The following SMARCA4 variants were observed in gnomAD, a reference collection of about 807,000 sequenced individuals.
SMARCA4 encodes SWI/SNF related BAF chromatin remodeling complex subunit ATPase 4.
SMARCA4 carries 31 observed loss-of-function variants against 193.9 expected under a neutral mutation model. The ratio of observed to expected loss-of-function variants is 0.16; its 90% CI spans 0.12 to 0.22. SMARCA4 has a LOEUF of 0.22. Among genes scored for constraint, SMARCA4 ranks in the 10% least tolerant of loss-of-function variants. The pLI, the probability that SMARCA4 is intolerant of heterozygous loss-of-function variation, is 1.00. For missense variants in SMARCA4, 1,148 were observed against 2,296.0 expected, an observed-to-expected ratio of 0.50 and a Z score of 10.22; for synonymous variants, 942 against 933.1, an observed-to-expected ratio of 1.01 and a Z score of -0.17.
intron 24 of SMARCA4, among the ~76,000 whole-genome samples, chr19:11,028,807 A>G (rs552839111): frequency 7.2e-5 from 11 of 152,278 alleles, no homozygotes; most frequent in Admixed American, 5.9e-4. Flanking sequence ...GGGAGTTACT[A>G]GAACTGGGCT....
At chr19:10,989,115 G>C (rs922956633) in intron 6 of SMARCA4, among the ~76,000 whole-genome samples, 1 of 152,208 alleles carries the variant, frequency 6.6e-6, no homozygotes, top group Non-Finnish European at 1.5e-5. Flanking sequence ...CTTGTTTGCT[G>C]TCCCCTGAGG....
At position 11,027,833 on chromosome 19, in the gene SMARCA4, C is replaced by T. The variant is rs1600335596; in HGVS notation, c.3265C>T (p.Leu1089Phe). 1 of 1,614,144 alleles carries T rather than the reference C, an allele frequency of 6.2e-7. No homozygotes were observed. Among genetic ancestry groups the T allele is most frequent in the Non-Finnish European group, 8.5e-7 (1 of 1,180,044 alleles). The change falls in exon 24 of 35, where the codon CTT becomes TTT. Residue 1089 changes from leucine to phenylalanine, a missense_variant. Transcript: ENST00000344626. ...TAAATTTGAGCTTCTTGATAGAATT[C>T]TTCCCAAACTCCGAGCAACCAACCA... ...SGKFELLDRI[L>F]PKLRATNHKV...
intron 30 of SMARCA4, among the ~76,000 whole-genome samples, chr19:11,051,884 T>C (rs1600568072): frequency 6.6e-6 from 1 of 151,196 alleles, no homozygotes; most frequent in African/African-American, 2.4e-5. Context: ...GATCACGAGG[T>C]CAGGAGTTCA....
chr19:11,059,250 TTTTAAATTCCCTGGGGC>T (rs1298242188), intron 32 of SMARCA4: 2 of 302,992 alleles, frequency 6.6e-6, no homozygotes, highest in Non-Finnish European at 1.3e-5. Context: ...TGGAATTTTA[TTTTAAATTCCCTGGGGC>T]ACATTCTCTT....
chr19:10,975,176 C>G (rs1045604772), intron 1 of SMARCA4, among the ~76,000 whole-genome samples: 2 of 151,244 alleles, frequency 1.3e-5, no homozygotes, highest in Non-Finnish European at 2.9e-5. Flanking sequence ...ACCATTACCC[C>G]TGGCTGACTT....
chr19:11,030,842 C>T lies in SMARCA4; in HGVS notation c.3495C>T (p.Leu1165=), dbSNP rs1555783247. 2.5e-6 allele frequency: 4 copies of T among 1,609,332 alleles called. No individual in the cohort carries two copies. Among genetic ancestry groups the T allele is most frequent in the Non-Finnish European group, 3.4e-6 (4 of 1,178,232 alleles). ...STRAGGLGLN[L]QSADTVIIFD... ...GGGCTGGGGGGCTCGGCCTGAACCT[C>T]CAGTCGGCAGACACTGTGATCATTT... The change falls in exon 25 of 35, where the codon CTC becomes CTT. Residue 1165 remains leucine, a synonymous_variant. Transcript: ENST00000344626. This position sits in a 1 kb window ranked among gnomAD's most constrained non-coding sequence, Gnocchi z 5.5.
Position 11,031,104 on chromosome 19 carries a change from C to G in SMARCA4, c.3546+211C>G. The stretch of plus-strand genomic sequence containing the variant: ...CCCAAAATACAAACAGCCTTTCCCT[C>G]TGATTGGGAAAGCAGTGTATAAGCC... On this transcript the variant is annotated intron_variant, in intron 25 of 34. Transcript: ENST00000344626. This position sits in a 1 kb window ranked among gnomAD's most constrained non-coding sequence, Gnocchi z 4.3. The G allele has an allele frequency of 1.6e-6, 1 of 612,506 alleles. No homozygotes were observed. Among genetic ancestry groups the G allele is most frequent in the Non-Finnish European group, 2.9e-6 (1 of 339,644 alleles). The allele number at this position is 612,506 out of a possible 1,614,324, so 37.9% of individuals were successfully genotyped here. A position where few individuals can be genotyped will look rare whatever the true frequency, so the allele number is the denominator to read the frequency against.
At chr19:11,037,758 C>T (rs1448832995) in intron 29 of SMARCA4, among the ~76,000 whole-genome samples, 1 of 151,764 alleles carries the variant, frequency 6.6e-6, no homozygotes, top group African/African-American at 2.4e-5. Flanking sequence ...ATAATTTGAT[C>T]TCTTCCATGT....
At chr19:10,969,316 C>T (rs1055530050) in intron 1 of SMARCA4, among the ~76,000 whole-genome samples, 6 of 152,186 alleles carry the variant, frequency 3.9e-5, no homozygotes, top group African/African-American at 1.2e-4. Context: ...TTGATGTTAT[C>T]TCCCAGGCTG....
In SMARCA4 at chr19:11,004,272, C is replaced by T. The variant is rs532718058; in HGVS notation, c.2001+875C>T. Among the ~76,000 whole-genome samples the T allele has an allele frequency of 2.1e-5, 3 of 144,392 alleles. No homozygotes were observed. In the East Asian group the frequency reaches 6.1e-4, roughly 29 times the overall value. The allele number at this position is 144,392 out of a possible 152,430, so 94.7% of individuals were successfully genotyped here. ...CTGGTGATTTTTTTTTTTTTTGAGA[C>T]AGAGTCTCACTCTATAGCCCAGGAT... On this transcript the variant is annotated intron_variant, in intron 13 of 34. Coordinates refer to ENST00000344626, the MANE Select transcript of SMARCA4 (RefSeq NM_003072.5).
chr19:11,033,225 G>A lies in SMARCA4; in HGVS notation c.3547-65G>A. On this transcript the variant is annotated intron_variant, in intron 25 of 34. Coordinates refer to ENST00000344626, the MANE Select transcript of SMARCA4 (RefSeq NM_003072.5). This position sits in a 1 kb window ranked among gnomAD's most constrained non-coding sequence, Gnocchi z 9.8. The stretch of plus-strand genomic sequence containing the variant: ...CAGCACACCTCTCCAGCTAGTGTCA[G>A]AGGCCACCTTCCCTTTTATGACCTC... 7.9e-7 allele frequency: 1 copy of A among 1,270,662 alleles called. No individual in the cohort carries two copies. Among genetic ancestry groups the A allele is most frequent in the Non-Finnish European group, 1.1e-6 (1 of 869,810 alleles). The allele number at this position is 1,270,662 out of a possible 1,614,324, so 78.7% of individuals were successfully genotyped here.
chr19:11,014,038 A>G (rs917740463), intron 16 of SMARCA4, among the ~76,000 whole-genome samples: 12 of 152,114 alleles, frequency 7.9e-5, no homozygotes, highest in Non-Finnish European at 1.8e-4. Flanking sequence ...TTCAAGTCAC[A>G]TGTCCAGCAA....
Position 10,986,800 on chromosome 19 carries a change from T to C in SMARCA4, c.761-105T>C. ...CGCTTCCCCTGGGGCCGCTGGTTAA[T>C]AGGTGTATCTGCTGTGTCCCCTGGA... On this transcript the variant is annotated intron_variant, in intron 4 of 34. Transcript: ENST00000344626. The surrounding 1 kb of genome is among the most constrained non-coding windows in gnomAD (Gnocchi z 6.7). The C allele has an allele frequency of 8.1e-7, 1 of 1,234,440 alleles. No individual in the cohort carries two copies. The allele number at this position is 1,234,440 out of a possible 1,614,324, so 76.5% of individuals were successfully genotyped here.
intron 1 of SMARCA4, among the ~76,000 whole-genome samples, chr19:10,969,047 A>T (rs2084466200): frequency 6.6e-6 from 1 of 152,102 alleles, no homozygotes; most frequent in Admixed American, 6.6e-5. Flanking sequence ...TGAATCAGTT[A>T]CTCAGGCCCT....
intron 13 of SMARCA4, among the ~76,000 whole-genome samples, chr19:11,007,401 G>C (rs2088329145): frequency 6.9e-6 from 1 of 144,302 alleles, no homozygotes; most frequent in Admixed American, 7.2e-5. Context: ...CTGCACTCCA[G>C]CTTGGGCAAC....
chr19:11,035,692 C>G (rs1398626391), intron 29 of SMARCA4, among the ~76,000 whole-genome samples: 3 of 152,240 alleles, frequency 2.0e-5, no homozygotes, highest in Non-Finnish European at 4.4e-5. Flanking sequence ...AGGGCCCGTT[C>G]TCAGCAGATG....
chr19:11,003,483 T>G, intron 13 of SMARCA4, 86 bp downstream of exon 13: 1 of 1,274,522 alleles, frequency 7.8e-7, no homozygotes, highest in Non-Finnish European at 1.1e-6. Flanking sequence ...TCTCCTGCCC[T>G]GGCTGGGCAT....
intron 16 of SMARCA4, 88 bp from the exon 17 acceptor site, chr19:11,018,869 T>A (rs1441737381): frequency 9.1e-7 from 1 of 1,104,322 alleles, no homozygotes; most frequent in Non-Finnish European, 1.4e-6. Flanking sequence ...CATGTTGGCC[T>A]CGCCCCTGAC....
intron 7 of SMARCA4, among the ~76,000 whole-genome samples, chr19:10,989,705 CTTT>C (rs377263433): frequency 7.0e-6 from 1 of 142,176 alleles, no homozygotes; most frequent in Non-Finnish European, 1.5e-5. Flanking sequence ...TTCCCTTTCC[CTTT>C]TTTTTTTTTT....
Sources: gnomAD v4.1 joint callset for allele counts (sites outside exome capture counted in the v4.1 genomes callset) on GRCh38, gnomAD v4.1.1 for gene constraint, Gnocchi (gnomAD v3.1) non-coding constraint, MANE v1.5 for transcripts, NCBI Gene and HGNC (gene_info 2026-07-23, HGNC 2026-07-21) for gene names.